YWHAZ: variants seen among roughly 807,000 people sequenced by gnomAD.
The protein encoded by YWHAZ is 14-3-3 protein zeta/delta.
For missense variants in YWHAZ, 79 were observed against 284.8 expected (o/e 0.28, Z 5.20); for synonymous variants, 87 against 103.6 (o/e 0.84, Z 0.97).
chr8:100,920,657 A>G lies in YWHAZ; in HGVS notation c.*36T>C. ...GGATGACAAATGGTCTACTGTGTAA[A>G]TTTTAGAATGAGGCAGACAAAAGTT... On this transcript the variant is annotated 3_prime_UTR_variant, in exon 6 of 6. Transcript: ENST00000395958. 6.4e-7 allele frequency: 1 copy of G among 1,563,040 alleles called. No homozygotes were observed. The highest frequency in any genetic ancestry group is 8.8e-7 in the Non-Finnish European group (1 of 1,134,946).
At chr8:100,953,015 G>A, upstream of YWHAZ, 3 of 999,250 alleles carry the variant, frequency 3.0e-6, no homozygotes, top group African/African-American at 1.7e-5. Context: ...CCGAGGTGGG[G>A]GCGAGGTGGG....
chr8:100,953,202 G>A (rs1010778093), upstream of YWHAZ: 2 of 985,274 alleles, frequency 2.0e-6, no homozygotes, highest in Non-Finnish European at 2.4e-6. Flanking sequence ...GTTTCTCGTA[G>A]GCTAGGTTTT....
At chr8:100,953,253 A>C, upstream of YWHAZ, 1 of 985,496 alleles carries the variant, frequency 1.0e-6, no homozygotes. Flanking sequence ...CTCATACTGC[A>C]CATGACGATC....
chr8:100,924,433 G>T lies in YWHAZ; in HGVS notation c.419-135C>A, dbSNP rs1813224051. On this transcript the variant is annotated intron_variant, in intron 3 of 5. Transcript: ENST00000395958. This position sits in a 1 kb window ranked among gnomAD's most constrained non-coding sequence, Gnocchi z 5.7. The stretch of plus-strand genomic sequence containing the variant: ...GCTTAATATTTGTTAATTGAACAAG[G>T]TCCTTTTTTTTTTTTAAAGGGAGCT... 6.6e-6 allele frequency: 6 copies of T among 912,314 alleles called. No homozygotes were observed. Among genetic ancestry groups the T allele is most frequent in the Admixed American group, 6.6e-5 (2 of 30,448 alleles). 56.5% of individuals were successfully genotyped at this position (912,314 alleles called of 1,614,324 possible).
At position 100,924,855 on chromosome 8, in the gene YWHAZ, A is replaced by G. The variant is rs1813253763; in HGVS notation, c.418+61T>C. The G allele has an allele frequency of 1.2e-6, 2 of 1,601,542 alleles. No homozygotes were observed. Among genetic ancestry groups the G allele is most frequent in the Admixed American group, 3.4e-5 (2 of 58,546 alleles). ...AAACAAGACATTATGTACGCTTCAG[A>G]GACTCTTCCTCACTATGTTATCTTA... On this transcript the variant is annotated intron_variant, in intron 3 of 5. Transcript: ENST00000395958. The surrounding 1 kb of genome is among the most constrained non-coding windows in gnomAD (Gnocchi z 5.7).
At chr8:100,938,556 C>CTGAAG (rs1814367754) in intron 2 of YWHAZ, among the ~76,000 whole-genome samples, 1 of 152,188 alleles carries the variant, frequency 6.6e-6, no homozygotes, top group Admixed American at 6.5e-5. Context: ...TTAATTCCAA[C>CTGAAG]TCTTCAGCAT....
chr8:100,939,738 T>C (rs1814485645), intron 2 of YWHAZ, among the ~76,000 whole-genome samples: 1 of 151,646 alleles, frequency 6.6e-6, no homozygotes, highest in African/African-American at 2.4e-5. Flanking sequence ...AGTGAAATAC[T>C]AGGCCAGGTG....
chr8:100,921,382 C>A (rs1319728130), intron 5 of YWHAZ, among the ~76,000 whole-genome samples: 1 of 151,964 alleles, frequency 6.6e-6, no homozygotes, highest in Non-Finnish European at 1.5e-5. Flanking sequence ...CCTAAAGAGC[C>A]CCAATATGAA....
intron 2 of YWHAZ, among the ~76,000 whole-genome samples, chr8:100,942,592 A>G (rs576065798): frequency 2.0e-5 from 3 of 152,352 alleles, no homozygotes; most frequent in African/African-American, 7.2e-5. Flanking sequence ...AACAGAGCCA[A>G]TCTTCTGATG....
At chr8:100,947,468 A>T (rs1810385560) in intron 2 of YWHAZ, among the ~76,000 whole-genome samples, 1 of 152,162 alleles carries the variant, frequency 6.6e-6, no homozygotes, top group Non-Finnish European at 1.5e-5. Context: ...CTGTGAACCC[A>T]AATAAGCATG....
chr8:100,946,040 A>G (rs536077942), intron 2 of YWHAZ, among the ~76,000 whole-genome samples: 15 of 152,314 alleles, frequency 9.8e-5, no homozygotes, highest in African/African-American at 3.1e-4. Context: ...CCAAACTTTC[A>G]AAGTGTAAAT....
rs925718509 is a variant in YWHAZ at position 100,951,365 on chromosome 8, G to A, written c.-12+564C>T. 105 of 984,488 alleles carry A rather than the reference G, an allele frequency of 1.1e-4. 2 individuals are homozygous for A. The African/African-American group carries it at 1.6e-3, about 15-fold the overall frequency. 61.0% of individuals were successfully genotyped at this position (984,488 alleles called of 1,614,324 possible). A position where few individuals can be genotyped will look rare whatever the true frequency, so the allele number is the denominator to read the frequency against. On this transcript the variant is annotated intron_variant, in intron 1 of 5. Coordinates refer to ENST00000395958, the MANE Select transcript of YWHAZ (RefSeq NM_145690.3). ...CGCCTCCCGGGGTGGGGGAGGGCCG[G>A]GTCCCGCCGCCGCAGCGCCCAGCGC...
intron 1 of YWHAZ, chr8:100,950,660 G>T (rs56202193): frequency 0.07 from 62,942 of 903,624 alleles, 3,328 homozygotes; most frequent in East Asian, 0.15. Context: ...CAAGCCGTGG[G>T]GGGGGGGGAG....
chr8:100,925,064 A>G, intron 2 of YWHAZ, 25 bp from the exon 3 acceptor site: 1 of 1,594,222 alleles, frequency 6.3e-7, no homozygotes, highest in Non-Finnish European at 8.5e-7. Flanking sequence ...AAACAGACAT[A>G]GTGAGAATAA....
chr8:100,940,041 G>A (rs1358632828), intron 2 of YWHAZ, among the ~76,000 whole-genome samples: 1 of 138,394 alleles, frequency 7.2e-6, no homozygotes, highest in Admixed American at 8.0e-5. Context: ...CCAGCCTGGG[G>A]GACAGAGCGA....
At position 100,917,859 on chromosome 8, in the gene YWHAZ, C is replaced by T. The variant is rs879591622; in HGVS notation, c.*2834G>A. 16 of 152,314 alleles carry T rather than the reference C, an allele frequency of 1.1e-4. No homozygotes were observed. The South Asian group carries it at 1.7e-3, about 16-fold the overall frequency. 9.4% of individuals were successfully genotyped at this position (152,314 alleles called of 1,614,324 possible). Reference sequence around the variant, plus strand: ...GACAATCAAGGAATAGTTACAAACACATTATTCAAATTCCAAAACAAAGAA... The same window carrying T: ...GACAATCAAGGAATAGTTACAAACATATTATTCAAATTCCAAAACAAAGAA... On this transcript the variant is annotated 3_prime_UTR_variant, in exon 6 of 6. Coordinates refer to ENST00000395958, the MANE Select transcript of YWHAZ (RefSeq NM_145690.3).
intron 2 of YWHAZ, among the ~76,000 whole-genome samples, chr8:100,933,527 G>A (rs749630324): frequency 3.9e-5 from 6 of 151,984 alleles, no homozygotes; most frequent in Non-Finnish European, 8.8e-5. Flanking sequence ...CCTCAATAAA[G>A]CTGGAAAAAT....
upstream of YWHAZ, chr8:100,953,334 G>C (rs1810930685): frequency 1.0e-6 from 1 of 985,700 alleles, no homozygotes; most frequent in South Asian, 4.7e-5. Context: ...CTGGCGGTGG[G>C]AGTGGGCCAC....
In YWHAZ at chr8:100,924,900, T is replaced by A. The variant is rs768748687; in HGVS notation, c.418+16A>T. 6.2e-6 allele frequency: 10 copies of A among 1,611,506 alleles called. No homozygotes were observed. The highest frequency in any genetic ancestry group is 8.5e-6 in the Non-Finnish European group (10 of 1,179,592). ...ATCTTATACAAGTTCAACCAACAGG[T>A]TTAAAAACAGCATACCTTTCTTGTC... On this transcript the variant is annotated intron_variant, in intron 3 of 5. Transcript: ENST00000395958. This position sits in a 1 kb window ranked among gnomAD's most constrained non-coding sequence, Gnocchi z 5.7.
Sources: allele counts gnomAD v4.1 joint callset (sites outside exome capture counted in the v4.1 genomes callset), GRCh38; gene constraint gnomAD v4.1.1; non-coding constraint Gnocchi (gnomAD v3.1); transcripts MANE v1.5; gene names NCBI Gene and HGNC (gene_info 2026-07-23, HGNC 2026-07-21).